The following RFXANK variants were observed in gnomAD, a reference collection of about 807,000 sequenced individuals.
RFXANK encodes DNA-binding protein RFXANK.
RFXANK carries 19 observed loss-of-function variants against 34.5 expected under a neutral mutation model. The ratio of observed to expected loss-of-function variants is 0.55; its 90% CI spans 0.38 to 0.81. The LOEUF is 0.81. Among genes scored for constraint, RFXANK ranks in the 30% least tolerant of loss-of-function variants. RFXANK has a pLI of 0.00. For missense variants in RFXANK, 295 were observed against 343.5 expected (o/e 0.86, Z 1.12); for synonymous variants, 154 against 149.8 (o/e 1.03, Z -0.20).
intron 7 of RFXANK, 122 bp downstream of exon 7, chr19:19,198,354 A>G: frequency 2.1e-6 from 3 of 1,443,518 alleles, no homozygotes; most frequent in South Asian, 2.4e-5. Flanking sequence ...AGACAGCCCC[A>G]TTCCCAGCCT....
chr19:19,197,702 G>A lies in RFXANK; in HGVS notation c.438+81G>A, dbSNP rs560486400. The A allele has an allele frequency of 7.2e-5, 94 of 1,308,212 alleles. No homozygotes were observed. In the East Asian group the frequency reaches 1.9e-3, roughly 26 times the overall value. 81.0% of individuals were successfully genotyped at this position (1,308,212 alleles called of 1,614,324 possible). ...TGGGGTTTTGGCTGTGTCTGCTGGC[G>A]CCTTGTCTTTGAGATGCGGCTGCTG... On this transcript the variant is annotated intron_variant, in intron 6 of 9. Transcript: ENST00000303088.
rs781548629 is a variant in RFXANK at position 19,199,224 on chromosome 19, A to T, written c.702A>T (p.Gly234=). The stretch of plus-strand genomic sequence containing the variant: ...CGATGGACCTTGCCGTGGCCCTGGG[A>T]TACCGGAAAGGTCAGCCTGAGACAC... ...YTPMDLAVAL[G]YRKVQQVIEN... Residue 234 remains glycine (G), a synonymous_variant, in exon 9 of 10, where the codon GGA becomes GGT. Coordinates refer to ENST00000303088, the MANE Select transcript of RFXANK (RefSeq NM_003721.4). The T allele has an allele frequency of 6.2e-6, 10 of 1,614,114 alleles. No homozygotes were observed. In the East Asian group the frequency reaches 2.2e-4, roughly 36 times the overall value.
In RFXANK at chr19:19,197,357, T is replaced by C. The variant is rs1461282773; in HGVS notation, c.337+106T>C. 7.8e-6 allele frequency: 10 copies of C among 1,284,390 alleles called. No individual in the cohort carries two copies. The Admixed American group carries it at 1.8e-4, about 24-fold the overall frequency. 79.6% of individuals were successfully genotyped at this position (1,284,390 alleles called of 1,614,324 possible). ...GACCTGTGAGTGTCCACGTGTATGA[T>C]TGTATCTAACTGTGTGTGTGACCGT... On this transcript the variant is annotated intron_variant, in intron 5 of 9. Coordinates refer to ENST00000303088, the MANE Select transcript of RFXANK (RefSeq NM_003721.4).
rs139803434 is a variant in RFXANK, at chr19:19,197,546, C to T, written c.363C>T (p.Asp121=). 9.2e-5 allele frequency: 148 copies of T among 1,613,802 alleles called. No individual in the cohort carries two copies. Among genetic ancestry groups the T allele is most frequent in the Non-Finnish European group, 1.2e-4 (140 of 1,180,028 alleles). The change falls in exon 6 of 10, where the codon GAC becomes GAT. Residue 121 remains aspartate (D), a synonymous_variant. Transcript: ENST00000303088. ...GTGACAACCTCGTCAACAAGCCAGA[C>T]GAGCGCGGCTTCACCCCCCTCATCT... The part of the protein sequence containing the change: ...RKGDNLVNKP[D]ERGFTPLIWA...
At position 19,197,672 on chromosome 19, in the gene RFXANK, T is replaced by C. The variant is rs777766378; in HGVS notation, c.438+51T>C. The C allele has an allele frequency of 7.8e-6, 12 of 1,544,032 alleles. No homozygotes were observed. In the African/African-American group the frequency reaches 1.6e-4, roughly 21 times the overall value. On this transcript the variant is annotated intron_variant, in intron 6 of 9. Coordinates refer to ENST00000303088, the MANE Select transcript of RFXANK (RefSeq NM_003721.4). ...TGGGGGGTTCCCGGGGGCCTTAGGG[T>C]GGGCTGGGGTTTTGGCTGTGTCTGC...
intron 9 of RFXANK, among the ~76,000 whole-genome samples, chr19:19,199,700 G>A (rs2060667390): frequency 6.6e-6 from 1 of 152,102 alleles, no homozygotes; most frequent in South Asian, 2.1e-4. Flanking sequence ...TGGCAGTGAG[G>A]ACACCAAGGG....
intron 9 of RFXANK, among the ~76,000 whole-genome samples, chr19:19,200,220 C>G (rs1187764925): frequency 6.6e-6 from 1 of 150,500 alleles, no homozygotes; most frequent in Non-Finnish European, 1.5e-5. Context: ...CGCTGTCACC[C>G]AGGCTGGAGT....
chr19:19,193,839 A>T, intron 2 of RFXANK, 100 bp from the exon 3 acceptor site: 1 of 1,349,154 alleles, frequency 7.4e-7, no homozygotes, highest in Non-Finnish European at 1.1e-6. Context: ...ACCTCAGTTT[A>T]CCCACCCTCA....
chr19:19,199,715 G>C (rs1406298602), intron 9 of RFXANK, among the ~76,000 whole-genome samples: 1 of 152,154 alleles, frequency 6.6e-6, no homozygotes, highest in Non-Finnish European at 1.5e-5. Flanking sequence ...CAAGGGGTAG[G>C]CGACCAGGCC....
Position 19,201,747 on chromosome 19 carries a change from C to G in RFXANK, c.*28C>G. 1 of 1,613,754 alleles carries G rather than the reference C, an allele frequency of 6.2e-7. No homozygotes were observed. The highest frequency in any genetic ancestry group is 2.2e-5 in the East Asian group (1 of 44,882). On this transcript the variant is annotated 3_prime_UTR_variant, in exon 10 of 10. Transcript: ENST00000303088. ...GCCGCCTGCCGGGGACTCAGACACT[C>G]AGGGAACAAAATGGTCAGCCAGAGC... is the stretch of plus-strand genomic sequence containing the variant.
Position 19,199,225 on chromosome 19 carries a change from T to C in RFXANK, c.703T>C (p.Tyr235His), listed in dbSNP as rs746164654. Residue 235 changes from tyrosine (Y) to histidine (H), a missense_variant, in exon 9 of 10, where the codon TAC becomes CAC. Coordinates refer to ENST00000303088, the MANE Select transcript of RFXANK (RefSeq NM_003721.4). ...GATGGACCTTGCCGTGGCCCTGGGA[T>C]ACCGGAAAGGTCAGCCTGAGACACA... is the stretch of plus-strand genomic sequence containing the variant. ...TPMDLAVALG[Y>H]RKVQQVIENH... 27 of 1,614,114 alleles carry C rather than the reference T, an allele frequency of 1.7e-5. No individual in the cohort carries two copies. The highest frequency in any genetic ancestry group is 2.3e-5 in the Non-Finnish European group (27 of 1,180,020).
At position 19,196,040 on chromosome 19, in the gene RFXANK, C is replaced by T. The variant is rs181125104; in HGVS notation, c.188-923C>T. Among the ~76,000 whole-genome samples the T allele has an allele frequency of 1.4e-4, 22 of 152,246 alleles. No individual in the cohort carries two copies. The East Asian group carries it at 4.3e-3, about 29-fold the overall frequency. ...TACAGGCATGAGCCACTGTGCCCGG[C>T]CTTAAGTTCTTTTGAACACTTATTT... On this transcript the variant is annotated intron_variant, in intron 3 of 9. Coordinates refer to ENST00000303088, the MANE Select transcript of RFXANK (RefSeq NM_003721.4).
Position 19,192,365 on chromosome 19 carries a change from C to T in RFXANK, c.-339C>T. The T allele has an allele frequency of 1.7e-6, 1 of 586,404 alleles. No homozygotes were observed. Among genetic ancestry groups the T allele is most frequent in the Non-Finnish European group, 3.0e-6 (1 of 329,260 alleles). The allele number at this position is 586,404 out of a possible 1,614,324, so 36.3% of individuals were successfully genotyped here. ...GCCAGGAGGCTGGTGGAGCGACACC[C>T]AGGCAGGAGAGGGGGAAGAACTCTC... is the stretch of plus-strand genomic sequence containing the variant. On this transcript the variant is annotated 5_prime_UTR_variant, in exon 1 of 10. Coordinates refer to ENST00000303088, the MANE Select transcript of RFXANK (RefSeq NM_003721.4).
At chr19:19,194,355 C>T (rs2060558811) in intron 3 of RFXANK, among the ~76,000 whole-genome samples, 1 of 152,218 alleles carries the variant, frequency 6.6e-6, no homozygotes, top group South Asian at 2.1e-4. Context: ...GTCTCAGCCT[C>T]CTGAGTAGCT....
chr19:19,193,298 G>A (rs893106357), intron 2 of RFXANK, among the ~76,000 whole-genome samples, 198 bp downstream of exon 2: 1 of 151,910 alleles, frequency 6.6e-6, no homozygotes, highest in Non-Finnish European at 1.5e-5. Flanking sequence ...ACATTTTGTC[G>A]TGGAGGAAAC....
chr19:19,198,090 C>T lies in RFXANK; in HGVS notation c.439-17C>T. 6.2e-7 allele frequency: 1 copy of T among 1,613,768 alleles called. No homozygotes were observed. The highest frequency in any genetic ancestry group is 8.5e-7 in the Non-Finnish European group (1 of 1,179,998). ...TGCCCCAATCCATCCTACCACTGTCCCTTCTTCTCCCTGCAGGGTGCCGAC... is the reference window on the plus strand; with the variant it reads ...TGCCCCAATCCATCCTACCACTGTCTCTTCTTCTCCCTGCAGGGTGCCGAC... On this transcript the variant is annotated splice_polypyrimidine_tract_variant and intron_variant, in intron 6 of 9. Transcript: ENST00000303088.
chr19:19,194,160 C>A (rs769051951), intron 3 of RFXANK, 27 bp downstream of exon 3: 34 of 1,607,170 alleles, frequency 2.1e-5, no homozygotes, highest in Middle Eastern at 1.6e-4. Flanking sequence ...GGGATTAGCC[C>A]TCTGGGATTC....
At chr19:19,194,690 A>AT (rs75789359) in intron 3 of RFXANK, among the ~76,000 whole-genome samples, 302 of 137,102 alleles carry the variant, frequency 2.2e-3, no homozygotes, top group Middle Eastern at 0.016. Flanking sequence ...CACCTGGCTA[A>AT]TTTTTTTTTT....
chr19:19,201,512 C>T (rs780168366), intron 9 of RFXANK, 137 bp from the exon 10 acceptor site: 2 of 1,600,348 alleles, frequency 1.2e-6, no homozygotes, highest in South Asian at 2.2e-5. Flanking sequence ...GTCCTCGGTT[C>T]TCCCAGCTTT....
Sources: gnomAD v4.1 joint callset for allele counts (sites outside exome capture counted in the v4.1 genomes callset) on GRCh38, gnomAD v4.1.1 for gene constraint, MANE v1.5 for transcripts, NCBI Gene and HGNC (gene_info 2026-07-23, HGNC 2026-07-21) for gene names.